PUS10: variants seen among roughly 807,000 people sequenced by gnomAD.
PUS10 encodes pseudouridine synthase 10.
In PUS10, 59 loss-of-function variants were observed where a neutral mutation model predicts 75.0. The observed-to-expected ratio is 0.79, with a 90% CI of 0.64 to 0.98. The LOEUF (loss-of-function observed/expected upper bound fraction) is 0.98, where lower values mean the gene tolerates loss of function less well. Among genes scored for constraint, PUS10 ranks in the 50% least tolerant of loss-of-function variants. PUS10 has a pLI of 0.00. For missense variants in PUS10, 650 were observed against 614.4 expected, an observed-to-expected ratio of 1.06 and a Z score of -0.61; for synonymous variants, 219 against 211.6, an observed-to-expected ratio of 1.03 and a Z score of -0.30.
At chr2:60,973,892 T>C (rs1676853740) in intron 4 of PUS10, among the ~76,000 whole-genome samples, 1 of 152,014 alleles carries the variant, frequency 6.6e-6, no homozygotes, top group African/African-American at 2.4e-5. Context: ...CCCAAAGAGA[T>C]GAGGGGACAA....
chr2:60,990,711 A>G (rs745814962), intron 4 of PUS10, among the ~76,000 whole-genome samples: 1 of 152,170 alleles, frequency 6.6e-6, no homozygotes, highest in Non-Finnish European at 1.5e-5. Flanking sequence ...TTTAGTTTCA[A>G]ATTATATTTT....
At chr2:60,954,762 T>C (rs1675546110) in intron 12 of PUS10, among the ~76,000 whole-genome samples, 1 of 152,222 alleles carries the variant, frequency 6.6e-6, no homozygotes, top group Non-Finnish European at 1.5e-5. Context: ...CAAGCACCTC[T>C]TTGTTAATGC....
chr2:61,006,875 A>G (rs1282157085), intron 3 of PUS10, among the ~76,000 whole-genome samples: 1 of 152,236 alleles, frequency 6.6e-6, no homozygotes. Context: ...GCTTCAGAAT[A>G]AACTGTTAAG....
chr2:60,965,445 T>C lies in PUS10; in HGVS notation c.655A>G (p.Thr219Ala). ...EVSVVFAHPETVEDCHFLAAI... is the reference protein window; with the variant it reads ...EVSVVFAHPEAVEDCHFLAAI... ...TACAGGAAGTGGCAATCCTCAACTG[T>C]TTCTGGGTGAGCAAAGACCACACTC... The change falls in exon 7 of 18, where the codon ACA becomes GCA. Residue 219 changes from threonine (T) to alanine (A), a missense_variant. Coordinates refer to ENST00000316752, the MANE Select transcript of PUS10 (RefSeq NM_144709.4). 1 of 1,611,714 alleles carries C rather than the reference T, an allele frequency of 6.2e-7. No homozygotes were observed. Among genetic ancestry groups the C allele is most frequent in the East Asian group, 2.2e-5 (1 of 44,822 alleles).
At chr2:60,977,511 A>C (rs940181766) in intron 4 of PUS10, among the ~76,000 whole-genome samples, 10 of 152,212 alleles carry the variant, frequency 6.6e-5, no homozygotes, top group African/African-American at 2.4e-4. Flanking sequence ...TTGATATTTG[A>C]ATCTTCTATA....
intron 14 of PUS10, 151 bp downstream of exon 14, chr2:60,953,782 C>T (rs1283015197): frequency 4.6e-6 from 3 of 647,242 alleles, no homozygotes; most frequent in Non-Finnish European, 8.1e-6. Context: ...CCTATATCCT[C>T]CTTGGAGAAA....
rs1675075483 is a variant in PUS10 at position 60,947,984 on chromosome 2, A to G, written c.1451+59T>C. 6.3e-6 allele frequency: 10 copies of G among 1,598,596 alleles called. No homozygotes were observed. The South Asian group carries it at 6.6e-5, about 11-fold the overall frequency. ...AGCTGACCCTGTTTTCTAGGGGACC[A>G]TGAACTTTTCCAATAGAGTTCTGGT... On this transcript the variant is annotated intron_variant, in intron 16 of 17. Transcript: ENST00000316752.
chr2:60,998,562 A>C (rs1678634094), intron 4 of PUS10, among the ~76,000 whole-genome samples: 1 of 151,958 alleles, frequency 6.6e-6, no homozygotes, highest in Non-Finnish European at 1.5e-5. Context: ...GGTGGCATGC[A>C]CCTGTAGTCC....
At chr2:60,947,828 C>CAAAAAAAAAAAAAAAAAAAAAAAA (rs890632119) in intron 16 of PUS10, among the ~76,000 whole-genome samples, 1 of 46,054 alleles carries the variant, frequency 2.2e-5, no homozygotes, top group African/African-American at 8.0e-5. Flanking sequence ...GACTCTGCCT[C>CAAAAAAAAAAAAAAAAAAAAAAAA]AAAAAAAAAA....
intron 4 of PUS10, among the ~76,000 whole-genome samples, chr2:60,996,986 A>G (rs539897897): frequency 6.8e-4 from 104 of 152,212 alleles, no homozygotes; most frequent in Non-Finnish European, 1.2e-3. Context: ...ATGTTTTTCA[A>G]TAAGTGCCAT....
chr2:60,974,571 G>A (rs763314412), intron 4 of PUS10, among the ~76,000 whole-genome samples: 3 of 152,158 alleles, frequency 2.0e-5, no homozygotes, highest in Non-Finnish European at 4.4e-5. Context: ...AGCTGTGGCC[G>A]GGAACCCAGA....
intron 4 of PUS10, chr2:60,998,650 A>T (rs1296402921): frequency 6.6e-6 from 1 of 152,046 alleles, no homozygotes; most frequent in Non-Finnish European, 1.5e-5. Flanking sequence ...AGATCACGCC[A>T]CTGCACTCCA....
At position 60,965,422 on chromosome 2, in the gene PUS10, C is replaced by T. The variant is rs749814752; in HGVS notation, c.677+1G>A. ...TTGACGTTGTTTACATGGCAACTTA[C>T]AGGAAGTGGCAATCCTCAACTGTTT... On this transcript the variant is annotated splice_donor_variant, in intron 7 of 17. Coordinates refer to ENST00000316752, the MANE Select transcript of PUS10 (RefSeq NM_144709.4). LOFTEE classifies it high-confidence loss of function. 3 of 1,609,640 alleles carry T rather than the reference C, an allele frequency of 1.9e-6. No individual in the cohort carries two copies. Among genetic ancestry groups the T allele is most frequent in the African/African-American group, 1.3e-5 (1 of 74,844 alleles).
In PUS10 at chr2:61,018,020, T is replaced by G; in HGVS notation, c.-28A>C. 7.2e-7 allele frequency: 1 copy of G among 1,390,032 alleles called. No individual in the cohort carries two copies. The highest frequency in any genetic ancestry group is 2.5e-5 in the East Asian group (1 of 40,106). 86.1% of individuals were successfully genotyped at this position (1,390,032 alleles called of 1,614,324 possible). A position where few individuals can be genotyped will look rare whatever the true frequency, so the allele number is the denominator to read the frequency against. ...CTGGGGCGCTTACCAGTGGGGACTT[T>G]AGTGTCTCACAGCTGTTTCTGACCC... On this transcript the variant is annotated 5_prime_UTR_variant, in exon 1 of 18. Coordinates refer to ENST00000316752, the MANE Select transcript of PUS10 (RefSeq NM_144709.4).
intron 4 of PUS10, among the ~76,000 whole-genome samples, chr2:61,001,405 T>C (rs1020587351): frequency 4.6e-5 from 7 of 151,950 alleles, no homozygotes; most frequent in African/African-American, 1.5e-4. Flanking sequence ...GCCTCCCAAA[T>C]AGCTGGGACT....
intron 17 of PUS10, among the ~76,000 whole-genome samples, chr2:60,943,235 A>T (rs1366037568): frequency 6.6e-6 from 1 of 152,148 alleles, no homozygotes; most frequent in East Asian, 1.9e-4. Context: ...GAAATAAATG[A>T]TTATGAAAGA....
intron 4 of PUS10, among the ~76,000 whole-genome samples, chr2:60,975,349 G>T (rs1676968885): frequency 6.6e-6 from 1 of 152,064 alleles, no homozygotes; most frequent in African/African-American, 2.4e-5. Flanking sequence ...GTTTCACCTT[G>T]TTGGCCAGGA....
At chr2:60,988,524 G>A (rs1313277874) in intron 4 of PUS10, among the ~76,000 whole-genome samples, 1 of 152,086 alleles carries the variant, frequency 6.6e-6, no homozygotes, top group Admixed American at 6.6e-5. Context: ...TACAAATAAT[G>A]TAACTATAAT....
intron 4 of PUS10, among the ~76,000 whole-genome samples, chr2:60,971,941 G>A (rs558374501): frequency 1.3e-3 from 180 of 139,786 alleles, no homozygotes; most frequent in Non-Finnish European, 2.2e-3. Flanking sequence ...CAGGATCTCA[G>A]CTCACTGCAA....
Sources: gnomAD v4.1 joint callset for allele counts (sites outside exome capture counted in the v4.1 genomes callset) on GRCh38, gnomAD v4.1.1 for gene constraint, MANE v1.5 for transcripts, NCBI Gene and HGNC (gene_info 2026-07-23, HGNC 2026-07-21) for gene names.